Variants in ZNF146 observed in about 807,000 individuals in gnomAD.
ZNF146 encodes zinc finger protein 146.
A neutral mutation model predicts 22.2 loss-of-function variants in ZNF146; 9 were observed. The observed-to-expected ratio is 0.41, with a 90% CI of 0.24 to 0.71. ZNF146 has a LOEUF of 0.71. Among genes scored for constraint, ZNF146 ranks in the 30% least tolerant of loss-of-function variants. The pLI, the probability that ZNF146 is intolerant of heterozygous loss-of-function variation, is 0.34. For missense variants in ZNF146, 194 were observed against 344.8 expected (o/e 0.56, Z 3.46); for synonymous variants, 108 against 119.2 (o/e 0.91, Z 0.61).
intron 2 of ZNF146, among the ~76,000 whole-genome samples, chr19:36,221,350 G>A (rs1406928647): frequency 2.1e-5 from 3 of 143,134 alleles, no homozygotes; most frequent in African/African-American, 5.2e-5. Context: ...GTGCAGTGGC[G>A]CAATCTCGGC....
At chr19:36,221,773 G>GGTTTTTT (rs1297542317) in intron 2 of ZNF146, among the ~76,000 whole-genome samples, 1 of 151,056 alleles carries the variant, frequency 6.6e-6, no homozygotes, top group South Asian at 2.1e-4. Flanking sequence ...CCTTCAAGTG[G>GGTTTTTT]GTTTTTTGTT....
chr19:36,220,021 G>A (rs375150618), intron 2 of ZNF146, among the ~76,000 whole-genome samples: 19 of 152,226 alleles, frequency 1.2e-4, no homozygotes, highest in African/African-American at 4.3e-4. Context: ...GATGCCAGTG[G>A]ATACCCCTTC....
intron 2 of ZNF146, among the ~76,000 whole-genome samples, chr19:36,221,883 T>G (rs1482440618): frequency 6.6e-6 from 1 of 151,888 alleles, no homozygotes; most frequent in Non-Finnish European, 1.5e-5. Flanking sequence ...TCTCACTTTC[T>G]TTAATAACAG....
Position 36,237,605 on chromosome 19 carries a change from C to CTTGT in ZNF146, c.*286_*287insTTGT. On this transcript the variant is annotated 3_prime_UTR_variant, in exon 4 of 4. Coordinates refer to ENST00000443387, the MANE Select transcript of ZNF146 (RefSeq NM_007145.3). ...ATGGAGGCCTGTTTTTTATTGCTAC[C>CTTGT]ACCATAGATCTGGAGATCTTCGCCA... 1 of 273,568 alleles carries CTTGT rather than the reference C, an allele frequency of 3.7e-6. No individual in the cohort carries two copies. The allele number at this position is 273,568 out of a possible 1,614,324, so 16.9% of individuals were successfully genotyped here.
chr19:36,229,398 T>A (rs1021405298), intron 3 of ZNF146, among the ~76,000 whole-genome samples: 1 of 152,196 alleles, frequency 6.6e-6, no homozygotes, highest in African/African-American at 2.4e-5. Context: ...GGGGTCTATA[T>A]GTATGGCACA....
intron 1 of ZNF146, among the ~76,000 whole-genome samples, chr19:36,216,345 T>C (rs531571490): frequency 1.8e-4 from 27 of 152,216 alleles, no homozygotes; most frequent in African/African-American, 6.3e-4. Context: ...AATGTATTAA[T>C]TTACTGTGAT....
chr19:36,220,895 A>T (rs980441459), intron 2 of ZNF146, among the ~76,000 whole-genome samples: 5 of 149,126 alleles, frequency 3.4e-5, no homozygotes, highest in African/African-American at 1.3e-4. Context: ...TCTTTTGCCC[A>T]GGGCAGAGTG....
intron 3 of ZNF146, among the ~76,000 whole-genome samples, chr19:36,232,457 G>T (rs373196035): frequency 1.3e-5 from 2 of 152,120 alleles, no homozygotes; most frequent in East Asian, 3.9e-4. Context: ...CATGGTTTTA[G>T]ATTTTGCCGT....
intron 3 of ZNF146, among the ~76,000 whole-genome samples, chr19:36,232,436 G>T (rs1476457181): frequency 6.6e-6 from 1 of 151,926 alleles, no homozygotes; most frequent in Non-Finnish European, 1.5e-5. Context: ...CTCAGCAAAT[G>T]ATACCTTAAA....
At chr19:36,231,750 G>T (rs1159694287) in intron 3 of ZNF146, among the ~76,000 whole-genome samples, 1 of 152,028 alleles carries the variant, frequency 6.6e-6, no homozygotes, top group Non-Finnish European at 1.5e-5. Flanking sequence ...TTTGTAATAG[G>T]ATCAGTCAAG....
At chr19:36,229,498 T>C (rs1977229018) in intron 3 of ZNF146, among the ~76,000 whole-genome samples, 2 of 152,216 alleles carry the variant, frequency 1.3e-5, no homozygotes, top group Non-Finnish European at 1.5e-5. Context: ...CTCTTGACTC[T>C]TAGTCCTGCA....
chr19:36,221,926 T>A (rs903533400), intron 2 of ZNF146, among the ~76,000 whole-genome samples: 1 of 123,218 alleles, frequency 8.1e-6, no homozygotes, highest in African/African-American at 2.9e-5. Context: ...CTTTTTTCTT[T>A]CTTTTTTTTT....
At chr19:36,227,962 AC>A (rs1259070059) in intron 2 of ZNF146, among the ~76,000 whole-genome samples, 2 of 151,964 alleles carry the variant, frequency 1.3e-5, no homozygotes, top group African/African-American at 4.8e-5. Flanking sequence ...GGAGTTCGAG[AC>A]CAGCCTGGCC....
chr19:36,230,958 C>T lies in ZNF146; in HGVS notation c.-783+2139C>T, dbSNP rs368119509. Among the ~76,000 whole-genome samples, 357 of 152,184 alleles carry T rather than the reference C, an allele frequency of 2.3e-3. 3 individuals are homozygous for T. The highest frequency in any genetic ancestry group is 8.4e-3 in the African/African-American group (348 of 41,534). On this transcript the variant is annotated intron_variant, in intron 3 of 3. Transcript: ENST00000443387. ...CTGGGATTACAGGCACCTGCCACCA[C>T]GCCGGCTAATTTTTGTATTTTTAGT... is the stretch of plus-strand genomic sequence containing the variant.
Position 36,237,402 on chromosome 19 carries a change from G to T in ZNF146, c.*83G>T. 1 of 1,480,008 alleles carries T rather than the reference G, an allele frequency of 6.8e-7. No homozygotes were observed. The allele number at this position is 1,480,008 out of a possible 1,614,324, so 91.7% of individuals were successfully genotyped here. On this transcript the variant is annotated 3_prime_UTR_variant, in exon 4 of 4. Transcript: ENST00000443387. ...ATGCCCCAGAAATAATCCTTCTGAA[G>T]CAAAGCACCACGAATGAGGTTAACT...
intron 3 of ZNF146, among the ~76,000 whole-genome samples, chr19:36,234,840 G>A (rs1283125410): frequency 1.3e-5 from 2 of 152,146 alleles, no homozygotes; most frequent in Non-Finnish European, 2.9e-5. Context: ...AATTCTGCAG[G>A]GGATAAACTT....
chr19:36,219,506 A>ATT (rs145670628), intron 2 of ZNF146, among the ~76,000 whole-genome samples: 1 of 150,336 alleles, frequency 6.7e-6, no homozygotes, highest in African/African-American at 2.4e-5. Flanking sequence ...ATCTCTGATG[A>ATT]TTTTTTTTTT....
At chr19:36,230,012 G>A (rs183398181) in intron 3 of ZNF146, among the ~76,000 whole-genome samples, 5 of 152,252 alleles carry the variant, frequency 3.3e-5, no homozygotes, top group South Asian at 2.1e-4. Context: ...GAGCCACCGC[G>A]CCTGGCTAAC....
chr19:36,224,990 A>G (rs1375485816), intron 2 of ZNF146, among the ~76,000 whole-genome samples: 2 of 152,072 alleles, frequency 1.3e-5, no homozygotes, highest in Non-Finnish European at 2.9e-5. Context: ...AGTTATTTGT[A>G]ATTAGATTAT....
Sources: gnomAD v4.1 joint callset for allele counts (sites outside exome capture counted in the v4.1 genomes callset) on GRCh38, gnomAD v4.1.1 for gene constraint, MANE v1.5 for transcripts, NCBI Gene and HGNC (gene_info 2026-07-23, HGNC 2026-07-21) for gene names.